The following LDLRAD4 variants were observed in gnomAD, a reference collection of about 807,000 sequenced individuals.
LDLRAD4 encodes the protein low density lipoprotein receptor class A domain containing 4.
In LDLRAD4, 5 loss-of-function variants were observed where a neutral mutation model predicts 17.0. The ratio of observed to expected loss-of-function variants is 0.29; its 90% CI spans 0.15 to 0.62. LDLRAD4 has a LOEUF of 0.62. Ranked by LOEUF, LDLRAD4 falls within the 20% of genes least tolerant of loss-of-function variation. The pLI, the probability that LDLRAD4 is intolerant of heterozygous loss-of-function variation, is 0.84. For missense variants in LDLRAD4, 340 were observed against 424.7 expected, an observed-to-expected ratio of 0.80 and a Z score of 1.75; for synonymous variants, 168 against 171.8, an observed-to-expected ratio of 0.98 and a Z score of 0.17.
intron 4 of LDLRAD4, among the ~76,000 whole-genome samples, chr18:13,624,178 G>A (rs2040907755): frequency 1.1e-5 from 1 of 91,600 alleles, no homozygotes; most frequent in Non-Finnish European, 1.8e-5. Context: ...GAGCACTGCC[G>A]GACCCACCAG....
chr18:13,630,808 C>T (rs1196569163), intron 4 of LDLRAD4, among the ~76,000 whole-genome samples: 1 of 152,192 alleles, frequency 6.6e-6, no homozygotes, highest in East Asian at 1.9e-4. Context: ...AGAGGTTTTA[C>T]AAAACAATAC....
At chr18:13,308,134 C>T (rs1400232594) in intron 1 of LDLRAD4, among the ~76,000 whole-genome samples, 1 of 152,190 alleles carries the variant, frequency 6.6e-6, no homozygotes, top group Admixed American at 6.5e-5. Context: ...GCCCATTTTC[C>T]TGTACCATGC....
At chr18:13,521,861 C>T (rs532842208) in intron 3 of LDLRAD4, 1 of 148,586 alleles carries the variant, frequency 6.7e-6, no homozygotes, top group Non-Finnish European at 1.5e-5. Flanking sequence ...ATCTAGTAGC[C>T]GTCTCTGTTT....
At chr18:13,516,294 A>G (rs2093865833) in intron 3 of LDLRAD4, among the ~76,000 whole-genome samples, 1 of 152,262 alleles carries the variant, frequency 6.6e-6, no homozygotes, top group Non-Finnish European at 1.5e-5. Context: ...AATGAGGTTG[A>G]ACCTTTACAG....
At chr18:13,370,721 T>TTTTTGTTTGTTTTTG (rs2084426460) in intron 1 of LDLRAD4, among the ~76,000 whole-genome samples, 1 of 147,098 alleles carries the variant, frequency 6.8e-6, no homozygotes, top group African/African-American at 2.5e-5. Context: ...TTGTTTTTTT[T>TTTTTGTTTGTTTTTG]TTTTTTTGAG....
chr18:13,493,451 A>G (rs2093399320), intron 3 of LDLRAD4, among the ~76,000 whole-genome samples: 1 of 152,198 alleles, frequency 6.6e-6, no homozygotes, highest in Non-Finnish European at 1.5e-5. Context: ...TGTGGAAGCA[A>G]TGATCACTAG....
At chr18:13,624,490 G>C (rs2040938736) in intron 4 of LDLRAD4, among the ~76,000 whole-genome samples, 1 of 152,232 alleles carries the variant, frequency 6.6e-6, no homozygotes, top group Non-Finnish European at 1.5e-5. Context: ...CCTGGCGGAG[G>C]CCAAGACCCC....
At chr18:13,234,016 G>A (rs1467282370) in intron 1 of LDLRAD4, among the ~76,000 whole-genome samples, 1 of 152,146 alleles carries the variant, frequency 6.6e-6, no homozygotes, top group East Asian at 1.9e-4. Flanking sequence ...CCATGGCCCA[G>A]TGCATGTTTG....
At chr18:13,308,794 T>C (rs1381670422) in intron 1 of LDLRAD4, among the ~76,000 whole-genome samples, 1 of 152,266 alleles carries the variant, frequency 6.6e-6, no homozygotes, top group Admixed American at 6.5e-5. Context: ...AGATACTGTT[T>C]CCAAGTTTTT....
intron 3 of LDLRAD4, among the ~76,000 whole-genome samples, chr18:13,507,738 C>T (rs960225947): frequency 1.3e-5 from 2 of 152,210 alleles, no homozygotes; most frequent in Non-Finnish European, 2.9e-5. Flanking sequence ...TCTGACTGCT[C>T]CACTAGCTGT....
chr18:13,549,846 G>A (rs2094412247), intron 3 of LDLRAD4, among the ~76,000 whole-genome samples: 1 of 152,058 alleles, frequency 6.6e-6, no homozygotes, highest in Non-Finnish European at 1.5e-5. Flanking sequence ...GGTCAAGAAG[G>A]CAATTTTGCC....
chr18:13,243,792 A>G (rs1469096307), intron 1 of LDLRAD4, among the ~76,000 whole-genome samples: 4 of 144,082 alleles, frequency 2.8e-5, no homozygotes, highest in African/African-American at 7.9e-5. Flanking sequence ...CTACCCATCC[A>G]TCTATCATCT....
intron 1 of LDLRAD4, among the ~76,000 whole-genome samples, chr18:13,243,189 T>C (rs766777324): frequency 6.6e-6 from 1 of 152,218 alleles, no homozygotes; most frequent in Non-Finnish European, 1.5e-5. Flanking sequence ...AGGCCACCTT[T>C]CCATGGGCAG....
At chr18:13,631,368 C>T in intron 4 of LDLRAD4, among the ~76,000 whole-genome samples, 1 of 152,150 alleles carries the variant, frequency 6.6e-6, no homozygotes, top group Admixed American at 6.5e-5. Flanking sequence ...AACCAATGGT[C>T]TAAAATCTCC....
intron 3 of LDLRAD4, among the ~76,000 whole-genome samples, chr18:13,493,900 T>A (rs2147143805): frequency 6.6e-6 from 1 of 152,328 alleles, no homozygotes; most frequent in African/African-American, 2.4e-5. Flanking sequence ...CCCATCTGTG[T>A]GCGGGGCCAC....
intron 3 of LDLRAD4, among the ~76,000 whole-genome samples, chr18:13,556,917 A>ATAAAGCATTAT (rs935523997): frequency 1.3e-5 from 2 of 152,172 alleles, no homozygotes; most frequent in Non-Finnish European, 2.9e-5. Context: ...TTAATGCTTT[A>ATAAAGCATTAT]TAAAGGGTGA....
At chr18:13,224,625 A>G (rs1192968286) in intron 1 of LDLRAD4, among the ~76,000 whole-genome samples, 5 of 151,062 alleles carry the variant, frequency 3.3e-5, no homozygotes, top group African/African-American at 4.9e-5. Flanking sequence ...GATTACAGGC[A>G]CGTGCCACCA....
chr18:13,443,120 T>A (rs2091140902), intron 3 of LDLRAD4, among the ~76,000 whole-genome samples: 1 of 152,202 alleles, frequency 6.6e-6, no homozygotes, highest in Admixed American at 6.5e-5. Flanking sequence ...TAGGACTTTT[T>A]CAGGAGGCAA....
chr18:13,532,239 T>C (rs1224827191), intron 3 of LDLRAD4, among the ~76,000 whole-genome samples: 1 of 152,124 alleles, frequency 6.6e-6, no homozygotes, highest in Non-Finnish European at 1.5e-5. Context: ...GTAAGAGCGA[T>C]TGGGAGGGGC....
Sources: gnomAD v4.1 joint callset for allele counts (sites outside exome capture counted in the v4.1 genomes callset) on GRCh38, gnomAD v4.1.1 for gene constraint, MANE v1.5 for transcripts, NCBI Gene and HGNC (gene_info 2026-07-23, HGNC 2026-07-21) for gene names.